SH3BP2: variants seen among roughly 807,000 people sequenced by gnomAD.
The protein encoded by SH3BP2 is SH3 domain-binding protein 2.
SH3BP2 carries 38 observed loss-of-function variants against 56.2 expected under a neutral mutation model. That is an observed-to-expected ratio of 0.68 (90% CI 0.52 to 0.89). The LOEUF (loss-of-function observed/expected upper bound fraction) is 0.89, where lower values mean the gene tolerates loss of function less well. Among genes scored for constraint, SH3BP2 ranks in the 40% least tolerant of loss-of-function variants. The pLI is 0.00. For synonymous variants in SH3BP2, 346 were observed against 316.7 expected, an observed-to-expected ratio of 1.09 and a Z score of -0.98; for missense variants, 748 against 762.6, an observed-to-expected ratio of 0.98 and a Z score of 0.23.
chr4:2,833,136 C>A, intron 12 of SH3BP2, 87 bp downstream of exon 12: 5 of 1,232,320 alleles, frequency 4.1e-6, no homozygotes, highest in Non-Finnish European at 6.0e-6. Flanking sequence ...GCATAGGCAG[C>A]GGGTAGACTG....
At chr4:2,798,570 G>A (rs987958837) in intron 1 of SH3BP2, 2 of 152,404 alleles carry the variant, frequency 1.3e-5, no homozygotes, top group Non-Finnish European at 2.9e-5. Context: ...TCCTACTCGA[G>A]GCCAGAAAGG....
At chr4:2,802,582 A>G (rs1057338739) in intron 1 of SH3BP2, among the ~76,000 whole-genome samples, 45 of 135,818 alleles carry the variant, frequency 3.3e-4, no homozygotes, top group African/African-American at 1.4e-3. Context: ...GTGTATATGT[A>G]TATATATGTT....
chr4:2,818,570 A>T (rs1724123959), intron 1 of SH3BP2: 1 of 498,502 alleles, frequency 2.0e-6, no homozygotes, highest in Non-Finnish European at 2.8e-6. Context: ...TGGGGGACTC[A>T]GGCCGGCACG....
intron 5 of SH3BP2, 69 bp downstream of exon 5, chr4:2,825,265 C>A: frequency 7.9e-7 from 1 of 1,259,848 alleles, no homozygotes; most frequent in South Asian, 1.3e-5. Flanking sequence ...CCCGGGTGTC[C>A]GCCTCCCAGC....
chr4:2,823,036 C>T lies in SH3BP2; in HGVS notation c.238C>T (p.Arg80Trp), dbSNP rs372066896. The change falls in exon 3 of 13, where the codon CGG becomes TGG. Residue 80 changes from arginine (R) to tryptophan (W), a missense_variant and splice_region_variant. Around this residue, in one of 3 missense-constraint regions of SH3BP2, gnomAD observed 104 missense variants for 123.1 expected, o/e 0.84. Coordinates refer to ENST00000503393, the MANE Select transcript of SH3BP2 (RefSeq NM_001122681.2). ...CGCCTTCTCCCTGAGTGGCTATAAC[C>T]GGTAAGTGCCCGACCTGCCTGCTGA... ...QGAFSLSGYN[R>W]VMRAAEETTS... The T allele has an allele frequency of 1.5e-5, 24 of 1,610,744 alleles. No individual in the cohort carries two copies. The highest frequency in any genetic ancestry group is 4.5e-5 in the East Asian group (2 of 44,882).
Position 2,838,402 on chromosome 4 carries a change from T to C in SH3BP2, c.*4568T>C, listed in dbSNP as rs1240536259. 3 of 152,272 alleles carry C rather than the reference T, an allele frequency of 2.0e-5. No homozygotes were observed. Among genetic ancestry groups the C allele is most frequent in the African/African-American group, 7.2e-5 (3 of 41,470 alleles). 9.4% of individuals were successfully genotyped at this position (152,272 alleles called of 1,614,324 possible). A position where few individuals can be genotyped will look rare whatever the true frequency, so the allele number is the denominator to read the frequency against. Reference sequence around the variant, plus strand: ...CCTTGAATCATACAGATGCAAATTCTGGCAGCTGGCTTCTTTGGCTCGTTA... The same window carrying C: ...CCTTGAATCATACAGATGCAAATTCCGGCAGCTGGCTTCTTTGGCTCGTTA... On this transcript the variant is annotated 3_prime_UTR_variant, in exon 13 of 13. Coordinates refer to ENST00000503393, the MANE Select transcript of SH3BP2 (RefSeq NM_001122681.2).
intron 1 of SH3BP2, 109 bp downstream of exon 1, chr4:2,793,247 G>C (rs1185613796): frequency 7.1e-6 from 1 of 141,168 alleles, no homozygotes; most frequent in African/African-American, 2.6e-5. Context: ...CTCTCGGCGG[G>C]TCTCGGGGGT....
intron 1 of SH3BP2, among the ~76,000 whole-genome samples, chr4:2,794,978 A>G (rs984000856): frequency 1.3e-5 from 2 of 152,092 alleles, no homozygotes; most frequent in Non-Finnish European, 2.9e-5. Context: ...CTCAGATGCC[A>G]CCAGTTTCCA....
intron 1 of SH3BP2, among the ~76,000 whole-genome samples, chr4:2,804,821 G>A (rs1211385644): frequency 6.6e-6 from 1 of 152,262 alleles, no homozygotes; most frequent in Non-Finnish European, 1.5e-5. Context: ...TTGTGTTGTA[G>A]GGGTGGGCCA....
In SH3BP2 at chr4:2,833,858, C is replaced by T. The variant is rs1725137592; in HGVS notation, c.*24C>T. Reference sequence around the variant, plus strand: ...GATGGCAGTCCATGTGGCTGCCAGGCCAAGGCAGTCACAGGGGCCCTGACC... The same window carrying T: ...GATGGCAGTCCATGTGGCTGCCAGGTCAAGGCAGTCACAGGGGCCCTGACC... On this transcript the variant is annotated 3_prime_UTR_variant, in exon 13 of 13. Transcript: ENST00000503393. The T allele has an allele frequency of 1.9e-6, 3 of 1,544,598 alleles. No individual in the cohort carries two copies. Among genetic ancestry groups the T allele is most frequent in the Non-Finnish European group, 2.6e-6 (3 of 1,146,124 alleles).
chr4:2,830,677 T>G (rs954606782), intron 8 of SH3BP2, among the ~76,000 whole-genome samples: 2 of 152,234 alleles, frequency 1.3e-5, no homozygotes, highest in African/African-American at 4.8e-5. Context: ...TGCTTTCTGC[T>G]TTATTTCTGG....
Position 2,829,726 on chromosome 4 carries a change from C to T in SH3BP2, c.820C>T (p.Pro274Ser). 1.2e-6 allele frequency: 2 copies of T among 1,612,880 alleles called. No homozygotes were observed. The highest frequency in any genetic ancestry group is 8.5e-7 in the Non-Finnish European group (1 of 1,179,794). ...AEPCPRVPAT[P>S]RRMSDPPLST... is the part of the protein sequence containing the mutation. ...GCCTTGCCCCAGGGTACCTGCTACCCCCCGAAGGATGAGCGATCCCCCTCT... is the reference window on the plus strand; with the variant it reads ...GCCTTGCCCCAGGGTACCTGCTACCTCCCGAAGGATGAGCGATCCCCCTCT... The change falls in exon 8 of 13, where the codon CCC becomes TCC. Residue 274 changes from proline (P) to serine (S), a missense_variant. Physicochemically the swap from Pro to Ser is moderately conservative, Grantham distance 74 (BLOSUM62 -1). This residue lies in a region of SH3BP2 where 635 missense variants were observed against 615.0 expected (regional missense o/e 1.03). Transcript: ENST00000503393. This position sits in a 1 kb window ranked among gnomAD's most constrained non-coding sequence, Gnocchi z 4.9.
chr4:2,820,973 C>G (rs1211302761), intron 2 of SH3BP2, among the ~76,000 whole-genome samples: 1 of 152,172 alleles, frequency 6.6e-6, no homozygotes, highest in Admixed American at 6.5e-5. Context: ...TGCTGGCCAG[C>G]TGGCAAGGGG....
At chr4:2,824,369 T>G (rs1724473785) in intron 3 of SH3BP2, among the ~76,000 whole-genome samples, 1 of 152,044 alleles carries the variant, frequency 6.6e-6, no homozygotes, top group African/African-American at 2.4e-5. Context: ...TGTCCTTGTC[T>G]CCTGTGCACT....
chr4:2,810,414 C>G lies in SH3BP2; in HGVS notation c.-4-10200C>G, dbSNP rs930470352. On this transcript the variant is annotated intron_variant, in intron 1 of 12. Transcript: ENST00000503393. This position sits in a 1 kb window ranked among gnomAD's most constrained non-coding sequence, Gnocchi z 4.2. ...CTGCTTGCTTCTGCCTCTGCCGAGT[C>G]TATGAGTGTGGGGCTTTTGGCGGAG... Among the ~76,000 whole-genome samples the G allele has an allele frequency of 1.3e-5, 2 of 151,564 alleles. No individual in the cohort carries two copies. Among genetic ancestry groups the G allele is most frequent in the Non-Finnish European group, 2.9e-5 (2 of 67,930 alleles).
intron 1 of SH3BP2, among the ~76,000 whole-genome samples, chr4:2,819,782 G>A (rs886921468): frequency 5.9e-5 from 9 of 152,156 alleles, no homozygotes; most frequent in African/African-American, 1.7e-4. Flanking sequence ...ATGGGAAGGG[G>A]TGGAGGTCAT....
rs2108740833 is a variant in SH3BP2 at position 2,831,425 on chromosome 4, G to A, written c.1242-146G>A. 1 of 705,424 alleles carries A rather than the reference G, an allele frequency of 1.4e-6. No individual in the cohort carries two copies. The highest frequency in any genetic ancestry group is 3.5e-4 in the Middle Eastern group (1 of 2,852). 43.7% of individuals were successfully genotyped at this position (705,424 alleles called of 1,614,324 possible). A position where few individuals can be genotyped will look rare whatever the true frequency, so the allele number is the denominator to read the frequency against. On this transcript the variant is annotated intron_variant, in intron 8 of 12. Coordinates refer to ENST00000503393, the MANE Select transcript of SH3BP2 (RefSeq NM_001122681.2). The surrounding 1 kb of genome is among the most constrained non-coding windows in gnomAD (Gnocchi z 4.1). ...CGGCACGAGCCCTACCCGGATCTCT[G>A]TTGTCCTGAGCTTTTTAGGGTCACA... is the stretch of plus-strand genomic sequence containing the variant.
intron 1 of SH3BP2, among the ~76,000 whole-genome samples, chr4:2,805,738 G>A (rs558524988): frequency 1.6e-4 from 24 of 152,364 alleles, no homozygotes; most frequent in African/African-American, 5.5e-4. Flanking sequence ...GAGCCTGTGT[G>A]GGAGAAGGCC....
chr4:2,832,564 A>G (rs1434954829), intron 11 of SH3BP2, 152 bp downstream of exon 11: 1 of 721,374 alleles, frequency 1.4e-6, no homozygotes, highest in East Asian at 2.7e-5. Flanking sequence ...AGCACCCCCC[A>G]ATCTATTCCC....
Sources: allele counts gnomAD v4.1 joint callset (sites outside exome capture counted in the v4.1 genomes callset), GRCh38; gene constraint gnomAD v4.1.1; regional missense constraint gnomAD v4.1.1; non-coding constraint Gnocchi (gnomAD v3.1); transcripts MANE v1.5; gene names NCBI Gene and HGNC (gene_info 2026-07-23, HGNC 2026-07-21).